ARHGAP23: variants seen among roughly 807,000 people sequenced by gnomAD.
The protein encoded by ARHGAP23 is rho GTPase-activating protein 23.
ARHGAP23 carries 34 observed loss-of-function variants against 136.3 expected under a neutral mutation model. That is an observed-to-expected ratio of 0.25 (90% CI 0.19 to 0.33). The LOEUF (loss-of-function observed/expected upper bound fraction) is 0.33, where lower values mean the gene tolerates loss of function less well. Ranked by LOEUF, ARHGAP23 falls within the 10% of genes least tolerant of loss-of-function variation. The probability of loss-of-function intolerance (pLI) is 1.00; values close to 1 mark genes in which losing one functional copy is unlikely to be tolerated. For synonymous variants in ARHGAP23, 832 were observed against 920.5 expected, an observed-to-expected ratio of 0.90 and a Z score of 1.74; for missense variants, 1,808 against 2,139.0, an observed-to-expected ratio of 0.85 and a Z score of 3.05.
Position 38,469,278 on chromosome 17 carries a change from C to A in ARHGAP23, c.1783C>A (p.Arg595Ser). ...CCCGACCTTCACTTTCACCCTCGGA[C>A]GCCATTACTCGCAGGACTGCAGTGA... ...SSPTFTFTLGRHYSQDCSSIK... is the reference protein window; with the variant it reads ...SSPTFTFTLGSHYSQDCSSIK... The change falls in exon 8 of 24, where the codon CGC (arginine) becomes AGC (serine). Residue 595 changes from arginine (R) to serine (S), a missense_variant. Around this residue, in one of 7 missense-constraint regions of ARHGAP23, gnomAD observed 859 missense variants for 936.4 expected, o/e 0.92. Transcript: ENST00000622683. 2.6e-6 allele frequency: 4 copies of A among 1,551,272 alleles called. No individual in the cohort carries two copies. The highest frequency in any genetic ancestry group is 2.6e-6 in the Non-Finnish European group (3 of 1,146,664).
chr17:38,424,417 C>T (rs1490194910), upstream of ARHGAP23, among the ~76,000 whole-genome samples: 9 of 152,146 alleles, frequency 5.9e-5, no homozygotes, highest in Admixed American at 3.9e-4. Flanking sequence ...CCCTGGGGCC[C>T]CTCCTCCCTG....
chr17:38,491,351 G>C, intron 19 of ARHGAP23, 56 bp from the exon 20 acceptor site: 2 of 1,548,244 alleles, frequency 1.3e-6, no homozygotes, highest in Non-Finnish European at 1.7e-6. Flanking sequence ...AGGTGCCAGA[G>C]TGAGGGAGGA....
chr17:38,466,112 C>T, intron 6 of ARHGAP23, 55 bp from the exon 7 acceptor site: 1 of 1,402,042 alleles, frequency 7.1e-7, no homozygotes, highest in South Asian at 1.6e-5. Flanking sequence ...CTGCCGTTCC[C>T]CTACCCTGTG....
At chr17:38,481,819 T>G (rs957091981) in intron 14 of ARHGAP23, among the ~76,000 whole-genome samples, 4 of 152,214 alleles carry the variant, frequency 2.6e-5, no homozygotes. Context: ...CGGAAGTCCT[T>G]GCATTGCTCT....
chr17:38,427,722 G>A (rs2038589812), upstream of ARHGAP23, among the ~76,000 whole-genome samples: 1 of 152,210 alleles, frequency 6.6e-6, no homozygotes, highest in South Asian at 2.1e-4. Flanking sequence ...TGGCTGGGTG[G>A]GGGTCCGAAG....
At chr17:38,489,882 T>C (rs2040234436) in intron 17 of ARHGAP23, 3 of 568,678 alleles carry the variant, frequency 5.3e-6, no homozygotes, top group Non-Finnish European at 9.6e-6. Flanking sequence ...ACAGCTGGGC[T>C]ACCCCAGGTC....
chr17:38,484,151 A>G (rs1003008673), intron 16 of ARHGAP23, among the ~76,000 whole-genome samples: 2 of 152,054 alleles, frequency 1.3e-5, no homozygotes, highest in African/African-American at 4.8e-5. Flanking sequence ...TCACTGATCT[A>G]TGGAAGCGCT....
chr17:38,423,085 C>T (rs1417071909), intron 1 of ARHGAP23, among the ~76,000 whole-genome samples: 3 of 152,208 alleles, frequency 2.0e-5, no homozygotes, highest in Admixed American at 6.5e-5. Flanking sequence ...ACCACAATCT[C>T]AGCACCATCC....
intron 14 of ARHGAP23, among the ~76,000 whole-genome samples, chr17:38,480,957 G>A (rs1175706975): frequency 6.6e-6 from 1 of 151,802 alleles, no homozygotes; most frequent in African/African-American, 2.4e-5. Flanking sequence ...ACATAGAAAG[G>A]TCCTATCCCT....
rs1322411924 is a variant in ARHGAP23, at chr17:38,459,814, C to G, written c.226-1091C>G. 7.2e-5 allele frequency among the ~76,000 whole-genome samples: 11 copies of G among 152,222 alleles called. No homozygotes were observed. In the East Asian group the frequency reaches 2.1e-3, roughly 29 times the overall value. ...CAAATGCATCTGTCTGCCTCTGCCA[C>G]TCTCTCGCAGTGCTGTCAGCTTGCA... On this transcript the variant is annotated intron_variant, in intron 2 of 23. Transcript: ENST00000622683.
At position 38,498,439 on chromosome 17, in the gene ARHGAP23, A is replaced by G. The variant is rs2040441920; in HGVS notation, c.3344A>G (p.Gln1115Arg). The G allele has an allele frequency of 6.5e-7, 1 of 1,548,352 alleles. No homozygotes were observed. The highest frequency in any genetic ancestry group is 1.4e-5 in the African/African-American group (1 of 73,006). Residue 1115 changes from glutamine to arginine, a missense_variant, in exon 22 of 24, where the codon CAG (glutamine) becomes CGG (arginine). Transcript: ENST00000622683. ...ERTPVGDKEPQAVPNIEYLLP... is the reference protein window; with the variant it reads ...ERTPVGDKEPRAVPNIEYLLP... ...ACCCCTGTGGGCGACAAGGAGCCTC[A>G]GGCAGTGCCCAACATTGAGTACCTC...
intron 19 of ARHGAP23, among the ~76,000 whole-genome samples, chr17:38,490,942 G>A (rs1172366728): frequency 2.0e-5 from 3 of 152,188 alleles, no homozygotes; most frequent in South Asian, 2.1e-4. Context: ...GTTTTGAGAC[G>A]AAGTCTCACT....
At chr17:38,423,261 C>T (rs551750583) in intron 1 of ARHGAP23, among the ~76,000 whole-genome samples, 5 of 151,778 alleles carry the variant, frequency 3.3e-5, no homozygotes, top group East Asian at 1.9e-4. Context: ...GGCATGATCT[C>T]GACTCACTGC....
In ARHGAP23 at chr17:38,442,090, G is replaced by C. The variant is rs530726535; in HGVS notation, c.63+13542G>C. Reference sequence around the variant, plus strand: ...CCCACCTCAGCCTCCCAAGTAGCTGGGACTACAGGCGTGCCCCACGGCACC... The same window carrying C: ...CCCACCTCAGCCTCCCAAGTAGCTGCGACTACAGGCGTGCCCCACGGCACC... On this transcript the variant is annotated intron_variant, in intron 1 of 23. Transcript: ENST00000622683. 3.3e-5 allele frequency among the ~76,000 whole-genome samples: 5 copies of C among 152,238 alleles called. No homozygotes were observed. The East Asian group carries it at 9.7e-4, about 29-fold the overall frequency.
chr17:38,443,469 T>C (rs1726551278), intron 1 of ARHGAP23, among the ~76,000 whole-genome samples: 2 of 152,114 alleles, frequency 1.3e-5, no homozygotes, highest in Admixed American at 6.5e-5. Flanking sequence ...GTGAGGATGA[T>C]GCCATCTGTC....
At chr17:38,489,992 C>T (rs1222135685) in intron 17 of ARHGAP23, 110 bp from the exon 18 acceptor site, 19 of 999,960 alleles carry the variant, frequency 1.9e-5, no homozygotes, top group Non-Finnish European at 2.9e-5. Context: ...CACGCTGGAG[C>T]CCCCGAACTG....
Position 38,510,861 on chromosome 17 carries a change from G to A in ARHGAP23, c.4365G>A (p.Ala1455=). ...SGLSSLESTK[A]RAPSSAASQP... ...TCAGCAGCCTGGAGTCCACCAAGGCGCGGGCCCCGTCGTCCGCTGCCTCGC... is the reference window on the plus strand; with the variant it reads ...TCAGCAGCCTGGAGTCCACCAAGGCACGGGCCCCGTCGTCCGCTGCCTCGC... The change falls in exon 24 of 24, where the codon GCG becomes GCA. Residue 1455 remains alanine (A), a synonymous_variant. Coordinates refer to ENST00000622683, the MANE Select transcript of ARHGAP23 (RefSeq NM_001199417.2). This position sits in a 1 kb window ranked among gnomAD's most constrained non-coding sequence, Gnocchi z 4.6. 1 of 1,502,292 alleles carries A rather than the reference G, an allele frequency of 6.7e-7. No homozygotes were observed. Among genetic ancestry groups the A allele is most frequent in the Non-Finnish European group, 8.8e-7 (1 of 1,132,564 alleles). 93.1% of individuals were successfully genotyped at this position (1,502,292 alleles called of 1,614,324 possible).
At chr17:38,444,429 C>T (rs1227819860) in intron 1 of ARHGAP23, among the ~76,000 whole-genome samples, 2 of 151,966 alleles carry the variant, frequency 1.3e-5, no homozygotes, top group Non-Finnish European at 2.9e-5. Context: ...TGGGTGTGAG[C>T]GTGTGGCGCG....
intron 6 of ARHGAP23, among the ~76,000 whole-genome samples, chr17:38,464,806 A>G (rs1323691093): frequency 6.6e-6 from 1 of 152,168 alleles, no homozygotes; most frequent in African/African-American, 2.4e-5. Flanking sequence ...AGATGACAGC[A>G]TCTGGGGGCC....
Sources: gnomAD v4.1 joint callset for allele counts (sites outside exome capture counted in the v4.1 genomes callset) on GRCh38, gnomAD v4.1.1 for gene constraint, gnomAD v4.1.1 regional missense constraint, Gnocchi (gnomAD v3.1) non-coding constraint, MANE v1.5 for transcripts, NCBI Gene and HGNC (gene_info 2026-07-23, HGNC 2026-07-21) for gene names.